Variants in DCAF5 observed in about 807,000 individuals in gnomAD.
The protein encoded by DCAF5 is DDB1 and CUL4 associated factor 5, also known as DDB1- and CUL4-associated factor 5.
A neutral mutation model predicts 80.7 loss-of-function variants in DCAF5; 9 were observed. That is an observed-to-expected ratio of 0.11 (90% confidence interval 0.07 to 0.19). The LOEUF (loss-of-function observed/expected upper bound fraction) is 0.19, where lower values mean the gene tolerates loss of function less well. Ranked by LOEUF, DCAF5 falls within the 10% of genes least tolerant of loss-of-function variation. DCAF5 has a pLI of 1.00. For synonymous variants in DCAF5, 433 were observed against 461.9 expected, an observed-to-expected ratio of 0.94 and a Z score of 0.80; for missense variants, 842 against 1,205.7, an observed-to-expected ratio of 0.70 and a Z score of 4.47.
Position 69,094,178 on chromosome 14 carries a change from G to A in DCAF5, c.666-2291C>T, listed in dbSNP as rs562266912. Among the ~76,000 whole-genome samples the A allele has an allele frequency of 1.8e-4, 28 of 152,290 alleles. No individual in the cohort carries two copies. The South Asian group carries it at 2.9e-3, about 16-fold the overall frequency. On this transcript the variant is annotated intron_variant, in intron 5 of 8. Coordinates refer to ENST00000341516, the MANE Select transcript of DCAF5 (RefSeq NM_003861.3). ...CCAGCCTCACCACCCATAGCAGCAG[G>A]GGTTTGCAGCAGCTCAGGCATCCTT...
chr14:69,084,870 T>G, intron 6 of DCAF5: 1 of 1,235,742 alleles, frequency 8.1e-7, no homozygotes, highest in Non-Finnish European at 1.2e-6. Context: ...AACTGGATTG[T>G]TCAGTATGAC....
chr14:69,125,600 G>A (rs1367382009), intron 1 of DCAF5, among the ~76,000 whole-genome samples: 1 of 152,182 alleles, frequency 6.6e-6, no homozygotes, highest in Non-Finnish European at 1.5e-5. Flanking sequence ...ACAAGGGAAT[G>A]TACAAGAAAG....
Position 69,076,771 on chromosome 14 carries a change from G to T in DCAF5, c.880-1360C>A, listed in dbSNP as rs114491257. Reference sequence around the variant, plus strand: ...TGTGTATTTTTAAATGGTTAAAATGGTAAATCTCATGTTATGTATATTTTA... The same window carrying T: ...TGTGTATTTTTAAATGGTTAAAATGTTAAATCTCATGTTATGTATATTTTA... On this transcript the variant is annotated intron_variant, in intron 6 of 8. Coordinates refer to ENST00000341516, the MANE Select transcript of DCAF5 (RefSeq NM_003861.3). 7.2e-3 allele frequency among the ~76,000 whole-genome samples: 1,094 copies of T among 152,266 alleles called. 12 individuals are homozygous for T. Among genetic ancestry groups the T allele is most frequent in the African/African-American group, 0.024 (1,004 of 41,546 alleles).
At chr14:69,068,840 G>C (rs551830662) in intron 7 of DCAF5, among the ~76,000 whole-genome samples, 26 of 152,156 alleles carry the variant, frequency 1.7e-4, no homozygotes, top group Non-Finnish European at 3.4e-4. Context: ...AAACCATAAA[G>C]AGGACCATCA....
chr14:69,085,188 C>G, intron 6 of DCAF5: 2 of 727,990 alleles, frequency 2.7e-6, no homozygotes, highest in Admixed American at 3.6e-5. Context: ...TGTTTAATAA[C>G]TTAAATTTGC....
intron 1 of DCAF5, among the ~76,000 whole-genome samples, chr14:69,147,126 A>T (rs550155854): frequency 6.6e-6 from 1 of 152,236 alleles, no homozygotes; most frequent in Admixed American, 6.5e-5. Context: ...AATGACCATT[A>T]ATTAATAGGT....
rs549919083 is a variant in DCAF5 at position 69,083,893 on chromosome 14, G to T, written c.879+7781C>A. On this transcript the variant is annotated intron_variant, in intron 6 of 8. Coordinates refer to ENST00000341516, the MANE Select transcript of DCAF5 (RefSeq NM_003861.3). ...GCCCAGCCTGCCCCTGGGACTGACAGGAGCTTTTGAGGATACTTCATTTGC... is the reference window on the plus strand; with the variant it reads ...GCCCAGCCTGCCCCTGGGACTGACATGAGCTTTTGAGGATACTTCATTTGC... 803 of 773,452 alleles carry T rather than the reference G, an allele frequency of 1.0e-3. 11 individuals are homozygous for T. The highest frequency in any genetic ancestry group is 9.7e-3 in the South Asian group (717 of 73,594). 47.9% of individuals were successfully genotyped at this position (773,452 alleles called of 1,614,324 possible).
intron 6 of DCAF5, chr14:69,090,128 T>C: frequency 2.0e-6 from 2 of 984,370 alleles, no homozygotes; most frequent in Non-Finnish European, 1.2e-6. Flanking sequence ...AAGAATTACA[T>C]GCATAAGAAG....
At chr14:69,134,630 T>G (rs2041136253) in intron 1 of DCAF5, among the ~76,000 whole-genome samples, 1 of 152,228 alleles carries the variant, frequency 6.6e-6, no homozygotes, top group Admixed American at 6.5e-5. Context: ...TACAACCTAA[T>G]GAGTTGCACT....
chr14:69,104,914 C>G (rs2040084811), intron 5 of DCAF5, among the ~76,000 whole-genome samples: 1 of 151,416 alleles, frequency 6.6e-6, no homozygotes, highest in Non-Finnish European at 1.5e-5. Context: ...ACTTAGAAGT[C>G]AAATCATCCA....
chr14:69,142,031 A>C (rs2041391628), intron 1 of DCAF5, among the ~76,000 whole-genome samples: 1 of 152,224 alleles, frequency 6.6e-6, no homozygotes, highest in Non-Finnish European at 1.5e-5. Flanking sequence ...ATGGTGGCTC[A>C]CATCTGTAAT....
At chr14:69,082,978 ACAT>A (rs1192492973) in intron 6 of DCAF5, among the ~76,000 whole-genome samples, 1 of 152,200 alleles carries the variant, frequency 6.6e-6, no homozygotes, top group Non-Finnish European at 1.5e-5. Context: ...TCACCAGATT[ACAT>A]CAATTCCACT....
chr14:69,082,479 C>G (rs1435362336), intron 6 of DCAF5, among the ~76,000 whole-genome samples: 1 of 150,212 alleles, frequency 6.7e-6, no homozygotes, highest in Non-Finnish European at 1.5e-5. Flanking sequence ...AAGGAATATT[C>G]CATAAAGGCA....
intron 6 of DCAF5, among the ~76,000 whole-genome samples, 177 bp downstream of exon 6, chr14:69,091,497 T>C (rs777060526): frequency 2.0e-5 from 3 of 152,116 alleles, no homozygotes; most frequent in Non-Finnish European, 4.4e-5. Flanking sequence ...TATTTACCCA[T>C]TGACAGCCTT....
chr14:69,113,326 G>A (rs1320140984), intron 5 of DCAF5, among the ~76,000 whole-genome samples: 4 of 152,098 alleles, frequency 2.6e-5, no homozygotes. Context: ...ACCTGATAAG[G>A]AACCACAACA....
intron 1 of DCAF5, among the ~76,000 whole-genome samples, chr14:69,139,659 C>T (rs944339295): frequency 1.3e-5 from 2 of 151,342 alleles, no homozygotes; most frequent in African/African-American, 4.9e-5. Context: ...ACTAAAAACA[C>T]GAAAAAATTA....
chr14:69,113,733 C>A (rs1208969970), intron 5 of DCAF5, among the ~76,000 whole-genome samples: 1 of 152,116 alleles, frequency 6.6e-6, no homozygotes, highest in South Asian at 2.1e-4. Context: ...TGAGGGAATT[C>A]TAACAGAAAA....
At chr14:69,143,933 A>G (rs1031122184) in intron 1 of DCAF5, 1 of 152,188 alleles carries the variant, frequency 6.6e-6, no homozygotes, top group Non-Finnish European at 1.5e-5. Context: ...AGTTGTAAGC[A>G]CCACTGCATT....
At chr14:69,092,728 T>C (rs889928291) in intron 5 of DCAF5, among the ~76,000 whole-genome samples, 20 of 152,234 alleles carry the variant, frequency 1.3e-4, no homozygotes, top group Non-Finnish European at 2.5e-4. Context: ...TTATATTCTA[T>C]ATAGCATGAT....
Sources: allele counts gnomAD v4.1 joint callset (sites outside exome capture counted in the v4.1 genomes callset), GRCh38; gene constraint gnomAD v4.1.1; transcripts MANE v1.5; gene names NCBI Gene and HGNC (gene_info 2026-07-23, HGNC 2026-07-21).